THADA: variants seen among roughly 807,000 people sequenced by gnomAD.
THADA encodes the protein THADA armadillo repeat containing.
In THADA, 213 loss-of-function variants were observed where a neutral mutation model predicts 219.8. That is an observed-to-expected ratio of 0.97 (90% confidence interval 0.87 to 1.09). The LOEUF (loss-of-function observed/expected upper bound fraction) is 1.09, where lower values mean the gene tolerates loss of function less well. Ranked by LOEUF, THADA falls within the 50% of genes least tolerant of loss-of-function variation. The pLI, the probability that THADA is intolerant of heterozygous loss-of-function variation, is 0.00. For synonymous variants in THADA, 1,018 were observed against 828.9 expected, an observed-to-expected ratio of 1.23 and a Z score of -3.92; for missense variants, 2,956 against 2,311.3, an observed-to-expected ratio of 1.28 and a Z score of -5.72.
chr2:43,429,421 A>G (rs1265099641), intron 27 of THADA, among the ~76,000 whole-genome samples: 2 of 152,100 alleles, frequency 1.3e-5, no homozygotes, highest in African/African-American at 4.8e-5. Flanking sequence ...GTGATTTTTA[A>G]GACAATGGTG....
chr2:43,518,385 C>G (rs1425538427), intron 22 of THADA, among the ~76,000 whole-genome samples: 1 of 152,138 alleles, frequency 6.6e-6, no homozygotes, highest in Non-Finnish European at 1.5e-5. Context: ...GTAACACGTA[C>G]AAACACATTC....
chr2:43,497,375 T>C (rs1182774280), intron 25 of THADA, among the ~76,000 whole-genome samples: 5 of 152,334 alleles, frequency 3.3e-5, no homozygotes, highest in South Asian at 4.1e-4. Context: ...AATGAGATCA[T>C]GTCCTTTGCA....
chr2:43,359,144 A>C (rs1669205394), intron 29 of THADA, among the ~76,000 whole-genome samples: 1 of 152,240 alleles, frequency 6.6e-6, no homozygotes, highest in Non-Finnish European at 1.5e-5. Context: ...TAAACCAGGC[A>C]GTGTCTTAAG....
intron 29 of THADA, among the ~76,000 whole-genome samples, chr2:43,380,624 T>C (rs1436219814): frequency 6.6e-6 from 1 of 152,216 alleles, no homozygotes; most frequent in Admixed American, 6.5e-5. Flanking sequence ...TTCCTAGCTC[T>C]GTCCATTGAG....
In THADA at chr2:43,574,206, T is replaced by C. The variant is rs903932955; in HGVS notation, c.1729+130A>G. 2.1e-4 allele frequency: 154 copies of C among 717,268 alleles called. No homozygotes were observed. The African/African-American group carries it at 2.5e-3, about 12-fold the overall frequency. 44.4% of individuals were successfully genotyped at this position (717,268 alleles called of 1,614,324 possible). On this transcript the variant is annotated intron_variant, in intron 11 of 37. Transcript: ENST00000405975. ...AACATTCGTTTCAAACTGAAACATC[T>C]ATCATTAATCTCTTCCTTTACTATT... is the stretch of plus-strand genomic sequence containing the variant.
intron 26 of THADA, among the ~76,000 whole-genome samples, chr2:43,449,327 G>A (rs1360158591): frequency 6.6e-6 from 1 of 152,066 alleles, no homozygotes; most frequent in African/African-American, 2.4e-5. Context: ...AGGGACCTGT[G>A]GAACACCATC....
intron 29 of THADA, among the ~76,000 whole-genome samples, chr2:43,351,682 T>G (rs545470594): frequency 1.3e-5 from 2 of 152,228 alleles, no homozygotes; most frequent in Non-Finnish European, 2.9e-5. Context: ...ATTCATTGAT[T>G]CGGAATTCTA....
intron 36 of THADA, among the ~76,000 whole-genome samples, chr2:43,234,580 C>T (rs1667809133): frequency 6.6e-6 from 1 of 152,204 alleles, no homozygotes; most frequent in Non-Finnish European, 1.5e-5. Flanking sequence ...TACCTAACTC[C>T]TTTCTGCAGT....
At chr2:43,344,457 C>A (rs1573176309) in intron 29 of THADA, among the ~76,000 whole-genome samples, 2 of 152,314 alleles carry the variant, frequency 1.3e-5, no homozygotes. Context: ...GGGTTTCTCA[C>A]ACAATCCCCA....
intron 7 of THADA, among the ~76,000 whole-genome samples, chr2:43,583,470 A>C (rs56662133): frequency 6.6e-6 from 1 of 152,348 alleles, no homozygotes; most frequent in East Asian, 1.9e-4. Context: ...CAAAACACAG[A>C]ATAATCCTAT....
chr2:43,347,955 T>C (rs1408664024), intron 29 of THADA, among the ~76,000 whole-genome samples: 1 of 152,000 alleles, frequency 6.6e-6, no homozygotes, highest in Non-Finnish European at 1.5e-5. Context: ...GATCTGTAAC[T>C]TGGAGAAAAA....
In THADA at chr2:43,577,214, T is replaced by C. The variant is rs538530020; in HGVS notation, c.845A>G (p.Asp282Gly). ...AAACCACTCGGGGACACTGGTGCAG[T>C]CCACTGAACGAAGCAGCACACTGCT... The part of the protein sequence containing the change: ...LISSVLLRSV[D>G]CTSVPEWFMS... The change falls in exon 10 of 38, where the codon GAC becomes GGC. Residue 282 changes from aspartate to glycine, a missense_variant. By Grantham distance (94) the Asp-to-Gly change is moderately conservative (BLOSUM62 -1). Transcript: ENST00000405975. The C allele has an allele frequency of 6.3e-6, 10 of 1,598,610 alleles. No homozygotes were observed. The African/African-American group carries it at 1.2e-4, about 19-fold the overall frequency.
intron 29 of THADA, among the ~76,000 whole-genome samples, chr2:43,387,525 G>C (rs372535355): frequency 2.6e-5 from 4 of 152,212 alleles, no homozygotes; most frequent in African/African-American, 7.2e-5. Context: ...ACTTCTGCCC[G>C]GGTCAGGAAT....
intron 22 of THADA, among the ~76,000 whole-genome samples, chr2:43,513,903 A>C (rs987672660): frequency 6.6e-6 from 1 of 152,068 alleles, no homozygotes; most frequent in Non-Finnish European, 1.5e-5. Flanking sequence ...ACTTCTATTT[A>C]AGAAGAGTTA....
At chr2:43,583,077 T>C (rs1326191697) in intron 7 of THADA, among the ~76,000 whole-genome samples, 1 of 152,212 alleles carries the variant, frequency 6.6e-6, no homozygotes, top group East Asian at 1.9e-4. Context: ...AATTATAATC[T>C]ACATGCTGAT....
At chr2:43,271,176 C>T (rs1356235536) in intron 36 of THADA, among the ~76,000 whole-genome samples, 2 of 152,328 alleles carry the variant, frequency 1.3e-5, no homozygotes, top group East Asian at 1.9e-4. Context: ...GCATGTGGGT[C>T]CCTATGGATG....
intron 36 of THADA, among the ~76,000 whole-genome samples, chr2:43,279,195 C>G (rs1051526085): frequency 2.6e-5 from 4 of 152,200 alleles, no homozygotes; most frequent in African/African-American, 9.7e-5. Flanking sequence ...GCTTATACGA[C>G]GGCTGCGACC....
intron 21 of THADA, among the ~76,000 whole-genome samples, chr2:43,533,461 T>C: frequency 6.6e-6 from 1 of 152,156 alleles, no homozygotes; most frequent in East Asian, 1.9e-4. Context: ...GCAGCACCAT[T>C]TACAATAGCA....
intron 36 of THADA, among the ~76,000 whole-genome samples, chr2:43,278,892 ACTT>A (rs1169960116): frequency 1.3e-5 from 2 of 152,096 alleles, no homozygotes; most frequent in Non-Finnish European, 2.9e-5. Flanking sequence ...ATTAAGGTGA[ACTT>A]CTTTGCTCAG....
Sources: allele counts gnomAD v4.1 joint callset (sites outside exome capture counted in the v4.1 genomes callset), GRCh38; gene constraint gnomAD v4.1.1; transcripts MANE v1.5; gene names NCBI Gene and HGNC (gene_info 2026-07-23, HGNC 2026-07-21).